Variants in PAQR3 observed in about 807,000 individuals in gnomAD.
PAQR3 encodes progestin and adipoQ receptor family member 3, also known as Raf kinase trapping to Golgi.
PAQR3 carries 39 observed loss-of-function variants against 41.7 expected under a neutral mutation model. That is an observed-to-expected ratio of 0.93 (90% CI 0.72 to 1.22). The LOEUF (loss-of-function observed/expected upper bound fraction) is 1.22. PAQR3 is among the 50% of genes most tolerant of loss of function. PAQR3 has a pLI of 0.00. For synonymous variants in PAQR3, 140 were observed against 140.6 expected, an observed-to-expected ratio of 1.00 and a Z score of 0.03; for missense variants, 366 against 385.6, an observed-to-expected ratio of 0.95 and a Z score of 0.42.
intron 11 of PAQR3, among the ~76,000 whole-genome samples, chr4:78,900,662 T>G (rs1733951590): frequency 6.6e-6 from 1 of 152,234 alleles, no homozygotes; most frequent in Non-Finnish European, 1.5e-5. Flanking sequence ...TGCCTTAGTT[T>G]ATGATATCAT....
rs1193630172 is a variant in PAQR3, at chr4:78,918,443, C to G, written c.*2096G>C. 1.0e-6 allele frequency: 1 copy of G among 972,866 alleles called. No individual in the cohort carries two copies. The highest frequency in any genetic ancestry group is 1.8e-5 in the African/African-American group (1 of 56,866). The allele number at this position is 972,866 out of a possible 1,614,324, so 60.3% of individuals were successfully genotyped here. A position where few individuals can be genotyped will look rare whatever the true frequency, so the allele number is the denominator to read the frequency against. On this transcript the variant is annotated 3_prime_UTR_variant, in exon 6 of 6. Coordinates refer to ENST00000512733, the MANE Select transcript of PAQR3 (RefSeq NM_001040202.2). ...TAACAGCAATCCATATTCATTCATT[C>G]ATTCCCTATTTTATAATAAATATAT...
At chr4:78,934,870 T>C (rs1461113095) in intron 2 of PAQR3, among the ~76,000 whole-genome samples, 1 of 152,192 alleles carries the variant, frequency 6.6e-6, no homozygotes, top group Non-Finnish European at 1.5e-5. Flanking sequence ...TTAATTAATC[T>C]TAAAGCAGAG....
Position 78,916,136 on chromosome 4 carries a change from G to A in PAQR3, c.*4403C>T, listed in dbSNP as rs1341961785. 1 of 151,816 alleles carries A rather than the reference G, an allele frequency of 6.6e-6. No individual in the cohort carries two copies. The highest frequency in any genetic ancestry group is 1.5e-5 in the Non-Finnish European group (1 of 67,816). 9.4% of individuals were successfully genotyped at this position (151,816 alleles called of 1,614,324 possible). On this transcript the variant is annotated 3_prime_UTR_variant, in exon 6 of 6. Transcript: ENST00000512733. ...ATAGCTGGGAAACAATTATGAGATA[G>A]ACTCAGTCTCCCCCTCCCACCCCTT...
chr4:78,921,985 G>T, intron 5 of PAQR3: 1 of 983,798 alleles, frequency 1.0e-6, no homozygotes. Context: ...TAAACAATTG[G>T]TAACTCCTGA....
At chr4:78,888,245 T>C (rs997005254) in intron 11 of PAQR3, 2 of 152,224 alleles carry the variant, frequency 1.3e-5, no homozygotes, top group African/African-American at 4.8e-5. Context: ...TGTTTTCTGT[T>C]TGCTGCTTTC....
rs934274745 is a variant in PAQR3 at position 78,918,664 on chromosome 4, T to C, written c.*1875A>G. 1.1e-6 allele frequency: 1 copy of C among 950,206 alleles called. No individual in the cohort carries two copies. The highest frequency in any genetic ancestry group is 1.8e-5 in the African/African-American group (1 of 56,390). The allele number at this position is 950,206 out of a possible 1,614,324, so 58.9% of individuals were successfully genotyped here. A position where few individuals can be genotyped will look rare whatever the true frequency, so the allele number is the denominator to read the frequency against. ...AAATGGCAAGTATGTATTCATATAC[T>C]AATACAGGGACTGCAAAAATTGAAA... On this transcript the variant is annotated 3_prime_UTR_variant, in exon 6 of 6. Transcript: ENST00000512733.
chr4:78,902,567 C>T (rs1374222670), intron 11 of PAQR3, among the ~76,000 whole-genome samples: 1 of 152,146 alleles, frequency 6.6e-6, no homozygotes, highest in Non-Finnish European at 1.5e-5. Context: ...CCCTCCCGTA[C>T]ACCCTCAATG....
chr4:78,896,934 C>G (rs1036347017), intron 11 of PAQR3, among the ~76,000 whole-genome samples: 1 of 152,112 alleles, frequency 6.6e-6, no homozygotes, highest in Admixed American at 6.6e-5. Flanking sequence ...AATGAATACA[C>G]TGATTTATGC....
intron 4 of PAQR3, among the ~76,000 whole-genome samples, chr4:78,925,452 C>T (rs1032124920): frequency 6.6e-6 from 1 of 152,120 alleles, no homozygotes; most frequent in African/African-American, 2.4e-5. Context: ...CACCTTTCTC[C>T]CAATATCCTA....
intron 11 of PAQR3, among the ~76,000 whole-genome samples, chr4:78,888,614 C>T (rs1242680687): frequency 6.6e-5 from 10 of 152,182 alleles, no homozygotes; most frequent in Admixed American, 5.9e-4. Context: ...GTTAGGAGAA[C>T]TGAAGTAAGC....
In PAQR3 at chr4:78,936,368, G is replaced by A. The variant is rs186769656; in HGVS notation, c.186-1085C>T. The stretch of plus-strand genomic sequence containing the variant: ...GACATTGACATATAACTCTAAATTT[G>A]TAGCAGTCACTGTGGTTCTCAGGTT... On this transcript the variant is annotated intron_variant, in intron 1 of 5. Coordinates refer to ENST00000512733, the MANE Select transcript of PAQR3 (RefSeq NM_001040202.2). Among the ~76,000 whole-genome samples, 24 of 152,268 alleles carry A rather than the reference G, an allele frequency of 1.6e-4. No individual in the cohort carries two copies. The East Asian group carries it at 3.5e-3, about 22-fold the overall frequency.
At chr4:78,937,402 T>C (rs898568629) in intron 1 of PAQR3, among the ~76,000 whole-genome samples, 2 of 152,212 alleles carry the variant, frequency 1.3e-5, no homozygotes, top group African/African-American at 4.8e-5. Context: ...GGTCTCTTCT[T>C]CCGTCTTTCG....
At chr4:78,898,755 T>C (rs1292175701) in intron 11 of PAQR3, 1 of 151,670 alleles carries the variant, frequency 6.6e-6, no homozygotes, top group East Asian at 1.9e-4. Flanking sequence ...ATGTATTGAA[T>C]CACTTGGACA....
rs923635010 is a variant in PAQR3, at chr4:78,918,670, A to G, written c.*1869T>C. 4.2e-6 allele frequency: 4 copies of G among 953,742 alleles called. No individual in the cohort carries two copies. In the African/African-American group the frequency reaches 7.1e-5, roughly 17 times the overall value. 59.1% of individuals were successfully genotyped at this position (953,742 alleles called of 1,614,324 possible). A position where few individuals can be genotyped will look rare whatever the true frequency, so the allele number is the denominator to read the frequency against. Reference sequence around the variant, plus strand: ...CAAGTATGTATTCATATACTAATACAGGGACTGCAAAAATTGAAATGATTC... The same window carrying G: ...CAAGTATGTATTCATATACTAATACGGGGACTGCAAAAATTGAAATGATTC... On this transcript the variant is annotated 3_prime_UTR_variant, in exon 6 of 6. Coordinates refer to ENST00000512733, the MANE Select transcript of PAQR3 (RefSeq NM_001040202.2).
chr4:78,916,176 C>G lies in PAQR3; in HGVS notation c.*4363G>C, dbSNP rs770628635. 1 of 151,866 alleles carries G rather than the reference C, an allele frequency of 6.6e-6. No individual in the cohort carries two copies. The highest frequency in any genetic ancestry group is 1.5e-5 in the Non-Finnish European group (1 of 67,856). The allele number at this position is 151,866 out of a possible 1,614,324, so 9.4% of individuals were successfully genotyped here. ...TCCCACCCCTTTTCCCCTGCCATAT[C>G]TAATTAAGCACTAACTGATTTTATT... On this transcript the variant is annotated 3_prime_UTR_variant, in exon 6 of 6. Coordinates refer to ENST00000512733, the MANE Select transcript of PAQR3 (RefSeq NM_001040202.2).
intron 11 of PAQR3, among the ~76,000 whole-genome samples, chr4:78,896,487 A>G (rs539741536): frequency 6.6e-6 from 1 of 152,326 alleles, no homozygotes; most frequent in Admixed American, 6.5e-5. Context: ...TGGGGGTAAT[A>G]GTCCATAACA....
intron 11 of PAQR3, among the ~76,000 whole-genome samples, chr4:78,899,561 C>G (rs1308741316): frequency 6.6e-6 from 1 of 151,694 alleles, no homozygotes; most frequent in Non-Finnish European, 1.5e-5. Flanking sequence ...CAGGTTAATT[C>G]TAACAGTGAA....
rs1302234551 is a variant in PAQR3 at position 78,916,834 on chromosome 4, C to G, written c.*3705G>C. 2.0e-5 allele frequency: 3 copies of G among 151,694 alleles called. No homozygotes were observed. The highest frequency in any genetic ancestry group is 4.4e-5 in the Non-Finnish European group (3 of 67,812). 9.4% of individuals were successfully genotyped at this position (151,694 alleles called of 1,614,324 possible). A position where few individuals can be genotyped will look rare whatever the true frequency, so the allele number is the denominator to read the frequency against. On this transcript the variant is annotated 3_prime_UTR_variant, in exon 6 of 6. Coordinates refer to ENST00000512733, the MANE Select transcript of PAQR3 (RefSeq NM_001040202.2). ...GGCTATGACACATTAAAGAGAAAAC[C>G]TATTTATTGGATTGATGGACTAAGC...
intron 3 of PAQR3, among the ~76,000 whole-genome samples, chr4:78,929,517 A>G (rs895093906): frequency 1.3e-5 from 2 of 152,210 alleles, no homozygotes; most frequent in African/African-American, 2.4e-5. Flanking sequence ...ATCTGATTAC[A>G]GTGTTGCAAA....
Sources: allele counts gnomAD v4.1 joint callset (sites outside exome capture counted in the v4.1 genomes callset), GRCh38; gene constraint gnomAD v4.1.1; transcripts MANE v1.5; gene names NCBI Gene and HGNC (gene_info 2026-07-23, HGNC 2026-07-21).